Variants in MIS18A observed in about 807,000 individuals in gnomAD.
MIS18A encodes protein Mis18-alpha.
Under a neutral mutation model 25.0 loss-of-function variants are expected in MIS18A, and 14 were observed. That is an observed-to-expected ratio of 0.56 (90% CI 0.37 to 0.88). The LOEUF is 0.88. Among genes scored for constraint, MIS18A ranks in the 40% least tolerant of loss-of-function variants. MIS18A has a pLI of 0.00. For missense variants in MIS18A, 292 were observed against 290.8 expected (o/e 1.00, Z -0.03); for synonymous variants, 134 against 118.6 (o/e 1.13, Z -0.84).
At chr21:32,193,124 A>G in the MIS18A span, among the ~76,000 whole-genome samples, 1 of 152,190 alleles carries the variant, frequency 6.6e-6, no homozygotes, top group Non-Finnish European at 1.5e-5. Context: ...CATGAGCTGA[A>G]GCAATTCCCT....
intron 3 of MIS18A, 106 bp downstream of exon 3, chr21:32,270,301 C>A (rs1800952833): frequency 6.3e-6 from 8 of 1,273,982 alleles, no homozygotes; most frequent in East Asian, 2.7e-5. Context: ...GAAATCATTA[C>A]TTGAAAATAT....
the MIS18A span, among the ~76,000 whole-genome samples, chr21:32,223,181 T>C: frequency 6.6e-6 from 1 of 151,736 alleles, no homozygotes; most frequent in Non-Finnish European, 1.5e-5. Context: ...ATGGGAAAGA[T>C]CAAGAACTGA....
the MIS18A span, among the ~76,000 whole-genome samples, chr21:32,190,831 C>T: frequency 3.9e-5 from 6 of 152,108 alleles, no homozygotes; most frequent in Non-Finnish European, 5.9e-5. Flanking sequence ...CTGGAAAGTC[C>T]GCATTCATTA....
chr21:32,218,840 G>A, the MIS18A span, among the ~76,000 whole-genome samples: 1 of 152,044 alleles, frequency 6.6e-6, no homozygotes, highest in Non-Finnish European at 1.5e-5. Context: ...TGAGGCTAGT[G>A]GATCACCTGA....
the MIS18A span, among the ~76,000 whole-genome samples, chr21:32,234,262 G>A: frequency 1.6e-4 from 24 of 152,292 alleles, no homozygotes; most frequent in Admixed American, 4.6e-4. Flanking sequence ...TGGTTGGAGC[G>A]GAGGGTTCTG....
the MIS18A span, among the ~76,000 whole-genome samples, chr21:32,207,076 G>A: frequency 2.0e-5 from 3 of 152,158 alleles, no homozygotes; most frequent in East Asian, 1.9e-4. Context: ...TAAATTCCAC[G>A]CCTGCGCCCC....
chr21:32,243,406 T>A, the MIS18A span, among the ~76,000 whole-genome samples: 1 of 152,286 alleles, frequency 6.6e-6, no homozygotes, highest in South Asian at 2.1e-4. Context: ...AACCCAGTTT[T>A]TAAAAAATGG....
the MIS18A span, among the ~76,000 whole-genome samples, chr21:32,239,119 C>T: frequency 9.9e-5 from 15 of 152,164 alleles, no homozygotes; most frequent in African/African-American, 3.6e-4. Flanking sequence ...TTATGAGTAA[C>T]TTATTTTCTT....
chr21:32,201,429 T>C, the MIS18A span, among the ~76,000 whole-genome samples: 5 of 152,158 alleles, frequency 3.3e-5, no homozygotes, highest in Admixed American at 3.3e-4. Flanking sequence ...TAAACTTTTC[T>C]CTTGAGATTT....
the MIS18A span, among the ~76,000 whole-genome samples, chr21:32,156,697 G>A: frequency 1.0e-3 from 157 of 152,202 alleles, no homozygotes; most frequent in African/African-American, 3.7e-3. Flanking sequence ...TACCTTTTCT[G>A]GAGAAAAGGA....
chr21:32,222,934 CAAAAAAA>C, the MIS18A span, among the ~76,000 whole-genome samples: 3 of 65,914 alleles, frequency 4.6e-5, no homozygotes, highest in African/African-American at 1.4e-4. Context: ...GACTCCGTCT[CAAAAAAA>C]AAAAAAAAAA....
the MIS18A span, among the ~76,000 whole-genome samples, chr21:32,181,923 C>T: frequency 6.6e-6 from 1 of 152,156 alleles, no homozygotes; most frequent in Non-Finnish European, 1.5e-5. Flanking sequence ...ACCACTTACC[C>T]TCTCCCTGCC....
At chr21:32,268,014 G>C, downstream of MIS18A, among the ~76,000 whole-genome samples, 1 of 152,128 alleles carries the variant, frequency 6.6e-6, no homozygotes, top group East Asian at 1.9e-4. Context: ...AGGGAACTTC[G>C]GAGCAAACGC....
the MIS18A span, among the ~76,000 whole-genome samples, chr21:32,205,459 AC>A: frequency 6.6e-6 from 1 of 151,940 alleles, no homozygotes; most frequent in Non-Finnish European, 1.5e-5. Flanking sequence ...CAGATAGAGC[AC>A]CTGCAATGAA....
intron 2 of MIS18A, among the ~76,000 whole-genome samples, chr21:32,274,230 G>A (rs1461538261): frequency 1.6e-5 from 2 of 123,572 alleles, no homozygotes; most frequent in Admixed American, 9.3e-5. Flanking sequence ...TTTTTGAGAC[G>A]GAGTCTTTCT....
the MIS18A span, among the ~76,000 whole-genome samples, chr21:32,240,980 T>C: frequency 7.9e-5 from 12 of 152,232 alleles, no homozygotes; most frequent in Admixed American, 5.9e-4. Flanking sequence ...CTTAAATATT[T>C]AGAAATTTCT....
chr21:32,180,008 T>C, the MIS18A span, among the ~76,000 whole-genome samples: 1 of 152,194 alleles, frequency 6.6e-6, no homozygotes, highest in Non-Finnish European at 1.5e-5. Flanking sequence ...GATTCCACAA[T>C]AGAGCGGACA....
At chr21:32,241,636 G>A in the MIS18A span, among the ~76,000 whole-genome samples, 1 of 152,194 alleles carries the variant, frequency 6.6e-6, no homozygotes, top group African/African-American at 2.4e-5. Flanking sequence ...TTAAACATCA[G>A]AGAAGGAACT....
At chr21:32,168,909 A>G in the MIS18A span, among the ~76,000 whole-genome samples, 2 of 152,214 alleles carry the variant, frequency 1.3e-5, no homozygotes, top group Non-Finnish European at 2.9e-5. Context: ...AACAATCTAC[A>G]TACTTCAATT....
Sources: allele counts gnomAD v4.1 joint callset (sites outside exome capture counted in the v4.1 genomes callset), GRCh38; gene constraint gnomAD v4.1.1; transcripts MANE v1.5; gene names NCBI Gene and HGNC (gene_info 2026-07-23, HGNC 2026-07-21).